Variants in ACVRL1 observed in about 807,000 individuals in gnomAD.
ACVRL1 encodes the protein activin receptor type-1-like.
Under a neutral mutation model 51.9 loss-of-function variants are expected in ACVRL1, and 20 were observed. The ratio of observed to expected loss-of-function variants is 0.39; its 90% CI spans 0.27 to 0.56. The LOEUF is 0.56. ACVRL1 is among the 20% of genes least tolerant of loss of function. ACVRL1 has a pLI of 0.67. For synonymous variants in ACVRL1, 288 were observed against 280.9 expected (o/e 1.03, Z -0.25); for missense variants, 451 against 670.3 (o/e 0.67, Z 3.61).
In ACVRL1 at chr12:51,913,304, C is replaced by T; in HGVS notation, c.267C>T (p.Cys89=). The T allele has an allele frequency of 6.2e-7, 1 of 1,611,046 alleles. No individual in the cohort carries two copies. Among genetic ancestry groups the T allele is most frequent in the Non-Finnish European group, 8.5e-7 (1 of 1,179,048 alleles). Residue 89 remains cysteine, a synonymous_variant, in exon 3 of 10, where the codon TGC becomes TGT. Transcript: ENST00000388922. The stretch of plus-strand genomic sequence containing the variant: ...CCACCGAGTTCGTCAACCACTACTG[C>T]TGCGACAGCCACCTCTGCAACCACA... ...GRPTEFVNHY[C]CDSHLCNHNV... is the part of the protein sequence containing the mutation.
intron 5 of ACVRL1, 113 bp from the exon 6 acceptor site, chr12:51,914,326 T>G: frequency 6.8e-7 from 1 of 1,460,788 alleles, no homozygotes; most frequent in South Asian, 1.2e-5. Context: ...CCTAAGGGTC[T>G]GGGGTTCTGT....
Position 51,921,271 on chromosome 12 carries a change from C to A in ACVRL1, c.*378C>A. On this transcript the variant is annotated 3_prime_UTR_variant, in exon 10 of 10. Coordinates refer to ENST00000388922, the MANE Select transcript of ACVRL1 (RefSeq NM_000020.3). Reference sequence around the variant, plus strand: ...CACTTTGCCCCCTGCCCTTGATCAACCCCACTGCCCCACCAGAGCTGCCAG... The same window carrying A: ...CACTTTGCCCCCTGCCCTTGATCAAACCCACTGCCCCACCAGAGCTGCCAG... 1 of 342,044 alleles carries A rather than the reference C, an allele frequency of 2.9e-6. No individual in the cohort carries two copies. Among genetic ancestry groups the A allele is most frequent in the Non-Finnish European group, 5.7e-6 (1 of 174,622 alleles). The allele number at this position is 342,044 out of a possible 1,614,324, so 21.2% of individuals were successfully genotyped here.
At position 51,920,864 on chromosome 12, in the gene ACVRL1, A is replaced by G. The variant is rs367799202; in HGVS notation, c.1483A>G (p.Ser495Gly). The G allele has an allele frequency of 1.4e-5, 21 of 1,545,308 alleles. No homozygotes were observed. Among genetic ancestry groups the G allele is most frequent in the Admixed American group, 3.5e-5 (2 of 57,740 alleles). ...IKKTLQKISN[S>G]PEKPKVIQ ...GAAGACACTACAAAAAATTAGCAAC[A>G]GTCCAGAGAAGCCTAAAGTGATTCA... The change falls in exon 10 of 10, where the codon AGT becomes GGT. Residue 495 changes from serine (S) to glycine (G), a missense_variant. This residue lies in a region of ACVRL1 where 259 missense variants were observed against 453.4 expected (regional missense o/e 0.57). Coordinates refer to ENST00000388922, the MANE Select transcript of ACVRL1 (RefSeq NM_000020.3).
intron 8 of ACVRL1, among the ~76,000 whole-genome samples, chr12:51,918,768 C>T (rs753084351): frequency 5.9e-5 from 9 of 152,252 alleles, no homozygotes; most frequent in Non-Finnish European, 8.8e-5. Context: ...AAAGTGTTTA[C>T]AGCAGAATAT....
rs777633148 is a variant in ACVRL1, at chr12:51,913,259, G to A, written c.222G>A (p.Arg74=). The change falls in exon 3 of 10, where the codon AGG becomes AGA. Residue 74 remains arginine, a synonymous_variant. Coordinates refer to ENST00000388922, the MANE Select transcript of ACVRL1 (RefSeq NM_000020.3). The part of the protein sequence containing the change: ...QEHRGCGNLH[R]ELCRGRPTEF... ...ATCGGGGCTGCGGGAACTTGCACAG[G>A]GAGCTCTGCAGGGGGCGCCCCACCG... is the stretch of plus-strand genomic sequence containing the variant. 8 of 1,596,272 alleles carry A rather than the reference G, an allele frequency of 5.0e-6. No individual in the cohort carries two copies. The highest frequency in any genetic ancestry group is 6.8e-6 in the Non-Finnish European group (8 of 1,171,400).
In ACVRL1 at chr12:51,921,004, G is replaced by T; in HGVS notation, c.*111G>T. On this transcript the variant is annotated 3_prime_UTR_variant, in exon 10 of 10. Coordinates refer to ENST00000388922, the MANE Select transcript of ACVRL1 (RefSeq NM_000020.3). The stretch of plus-strand genomic sequence containing the variant: ...GTGAGTGTGGTGTGTGCTGGGGATG[G>T]GCAGCTGCGCCTGCCTGCTCGGCCC... 1 of 1,326,704 alleles carries T rather than the reference G, an allele frequency of 7.5e-7. No individual in the cohort carries two copies. Among genetic ancestry groups the T allele is most frequent in the Non-Finnish European group, 1.0e-6 (1 of 957,842 alleles). 82.2% of individuals were successfully genotyped at this position (1,326,704 alleles called of 1,614,324 possible). A position where few individuals can be genotyped will look rare whatever the true frequency, so the allele number is the denominator to read the frequency against.
At chr12:51,913,872 G>A (rs900294211) in intron 4 of ACVRL1, 102 bp downstream of exon 4, 9 of 1,568,136 alleles carry the variant, frequency 5.7e-6, no homozygotes, top group Admixed American at 3.6e-5. Flanking sequence ...GGAGCTGGGC[G>A]AGTGAGGAGC....
At chr12:51,916,339 C>CT in intron 8 of ACVRL1, 106 bp downstream of exon 8, 1 of 1,218,170 alleles carries the variant, frequency 8.2e-7, no homozygotes, top group South Asian at 1.4e-5. Context: ...GCAGTCAGAC[C>CT]TCCTGGCACC....
intron 9 of ACVRL1, among the ~76,000 whole-genome samples, chr12:51,920,547 T>C (rs1390169978): frequency 6.6e-6 from 1 of 152,062 alleles, no homozygotes; most frequent in Non-Finnish European, 1.5e-5. Context: ...CTCTCACCAC[T>C]TGTCTTTCCT....
intron 7 of ACVRL1, 168 bp from the exon 8 acceptor site, chr12:51,915,868 C>T (rs1305410635): frequency 1.4e-6 from 1 of 737,996 alleles, no homozygotes; most frequent in Non-Finnish European, 2.2e-6. Flanking sequence ...GCAAAGAGTA[C>T]CTGGGGCCAT....
At chr12:51,912,965 G>C in intron 2 of ACVRL1, 134 bp from the exon 3 acceptor site, 8 of 1,320,524 alleles carry the variant, frequency 6.1e-6, no homozygotes, top group Non-Finnish European at 8.4e-6. Flanking sequence ...GACTGAGGAT[G>C]AAAGTAAGAG....
chr12:51,915,146 A>G (rs969222180), intron 6 of ACVRL1, 79 bp from the exon 7 acceptor site: 12 of 1,524,398 alleles, frequency 7.9e-6, no homozygotes, highest in Admixed American at 5.2e-5. Flanking sequence ...CTCTCCCCCA[A>G]CCCCACCCTG....
intron 8 of ACVRL1, among the ~76,000 whole-genome samples, chr12:51,918,349 T>G (rs1019851853): frequency 6.6e-6 from 1 of 152,254 alleles, no homozygotes; most frequent in Non-Finnish European, 1.5e-5. Context: ...TACTATCTGT[T>G]GATCTTAGAC....
In ACVRL1 at chr12:51,913,683, G is replaced by T; in HGVS notation, c.438G>T (p.Arg146Ser). 1 of 1,610,900 alleles carries T rather than the reference G, an allele frequency of 6.2e-7. No homozygotes were observed. Among genetic ancestry groups the T allele is most frequent in the Non-Finnish European group, 8.5e-7 (1 of 1,180,012 alleles). ...TGGGCCTGTGGCATGTCCGACGGAG[G>T]CAGGAGAAGCAGCGTGGCCTGCACA... ...GVLGLWHVRR[R>S]QEKQRGLHSE... The change falls in exon 4 of 10, where the codon AGG becomes AGT. Residue 146 changes from arginine to serine, a missense_variant. By Grantham distance (110) the Arg-to-Ser change is moderately radical. This residue lies in a region of ACVRL1 where 192 missense variants were observed against 216.9 expected (regional missense o/e 0.89). Coordinates refer to ENST00000388922, the MANE Select transcript of ACVRL1 (RefSeq NM_000020.3).
chr12:51,912,385 G>A, intron 1 of ACVRL1, 85 bp from the exon 2 acceptor site: 1 of 1,485,758 alleles, frequency 6.7e-7, no homozygotes, highest in Non-Finnish European at 9.4e-7. Context: ...AAAACTCTGT[G>A]ATTTCCTCTG....
At chr12:51,920,632 C>A in intron 9 of ACVRL1, 127 bp from the exon 10 acceptor site, 1 of 1,047,002 alleles carries the variant, frequency 9.6e-7, no homozygotes, top group Non-Finnish European at 1.4e-6. Flanking sequence ...CCATTACCGG[C>A]CATCCTCCTC....
At chr12:51,915,663 C>A in intron 7 of ACVRL1, 163 bp downstream of exon 7, 1 of 980,760 alleles carries the variant, frequency 1.0e-6, no homozygotes, top group Non-Finnish European at 1.5e-6. Context: ...TCTGAACACC[C>A]TTTTCAAACC....
chr12:51,918,682 C>T (rs1019338031), intron 8 of ACVRL1, among the ~76,000 whole-genome samples: 44 of 152,312 alleles, frequency 2.9e-4, no homozygotes, highest in Non-Finnish European at 5.7e-4. Context: ...GCATCAGTTT[C>T]TTCATCTGTA....
At chr12:51,920,691 G>A (rs556726899) in intron 9 of ACVRL1, 68 bp from the exon 10 acceptor site, 15 of 1,569,056 alleles carry the variant, frequency 9.6e-6, no homozygotes, top group East Asian at 2.3e-5. Context: ...TCTCTCTCCC[G>A]ACCCCCTCCT....
Sources: gnomAD v4.1 joint callset for allele counts (sites outside exome capture counted in the v4.1 genomes callset) on GRCh38, gnomAD v4.1.1 for gene constraint, gnomAD v4.1.1 regional missense constraint, MANE v1.5 for transcripts, NCBI Gene and HGNC (gene_info 2026-07-23, HGNC 2026-07-21) for gene names.